CMTM7: variants seen among roughly 807,000 people sequenced by gnomAD.
CMTM7 encodes CKLF-like MARVEL transmembrane domain-containing protein 7.
A neutral mutation model predicts 19.3 loss-of-function variants in CMTM7; 7 were observed. The observed-to-expected ratio is 0.36, with a 90% CI of 0.21 to 0.68. CMTM7 has a LOEUF of 0.68. CMTM7 is among the 30% of genes least tolerant of loss of function. The pLI is 0.60. For missense variants in CMTM7, 193 were observed against 232.6 expected (o/e 0.83, Z 1.11); for synonymous variants, 87 against 99.3 (o/e 0.88, Z 0.74).
chr3:32,422,328 A>G (rs77061122), intron 1 of CMTM7, among the ~76,000 whole-genome samples: 5,008 of 152,292 alleles, frequency 0.033, 124 homozygotes, highest in Middle Eastern at 0.058. Context: ...GTGAAACTCA[A>G]CAGGCACTCA....
At chr3:32,436,195 G>C (rs1696594998) in intron 1 of CMTM7, among the ~76,000 whole-genome samples, 1 of 152,178 alleles carries the variant, frequency 6.6e-6, no homozygotes, top group Admixed American at 6.5e-5. Context: ...CTATGTGCTG[G>C]GGGGAATAGG....
intron 1 of CMTM7, among the ~76,000 whole-genome samples, chr3:32,412,656 T>C (rs1696195939): frequency 1.3e-5 from 2 of 151,856 alleles, no homozygotes; most frequent in Non-Finnish European, 2.9e-5. Flanking sequence ...CAAATATGAA[T>C]AGGGAAACAT....
intron 1 of CMTM7, among the ~76,000 whole-genome samples, chr3:32,423,392 T>C (rs560948167): frequency 2.0e-5 from 3 of 152,342 alleles, no homozygotes; most frequent in South Asian, 2.1e-4. Flanking sequence ...TCTTTTCAAA[T>C]GGAATCTTAC....
intron 2 of CMTM7, among the ~76,000 whole-genome samples, chr3:32,443,201 T>C (rs900083591): frequency 4.6e-5 from 7 of 151,998 alleles, no homozygotes; most frequent in Admixed American, 1.3e-4. Context: ...CAGGCTCAGG[T>C]GATCTTCCCA....
chr3:32,394,949 G>A (rs1245771186), intron 1 of CMTM7, among the ~76,000 whole-genome samples: 5 of 151,670 alleles, frequency 3.3e-5, no homozygotes, highest in African/African-American at 1.2e-4. Context: ...CCCCGCCTCT[G>A]CCTCCCAAAG....
In CMTM7 at chr3:32,415,253, A is replaced by G. The variant is rs533940842; in HGVS notation, c.159+23188A>G. Among the ~76,000 whole-genome samples the G allele has an allele frequency of 1.4e-4, 21 of 152,214 alleles. 1 individual carries two copies. The South Asian group carries it at 4.4e-3, about 32-fold the overall frequency. On this transcript the variant is annotated intron_variant, in intron 1 of 4. Transcript: ENST00000334983. The stretch of plus-strand genomic sequence containing the variant: ...GAGGGGCCCAGGGACCTGCATTTTA[A>G]CGCATCCCCTTGTGGATACACTCTC...
intron 1 of CMTM7, among the ~76,000 whole-genome samples, chr3:32,423,471 A>C (rs1232771258): frequency 6.6e-6 from 1 of 152,176 alleles, no homozygotes; most frequent in East Asian, 1.9e-4. Flanking sequence ...TGGAGGCAGA[A>C]GTTGTGTGTC....
chr3:32,408,976 G>A (rs1201852149), intron 1 of CMTM7, among the ~76,000 whole-genome samples: 2 of 151,734 alleles, frequency 1.3e-5, no homozygotes, highest in East Asian at 1.9e-4. Flanking sequence ...TCCACCTCCC[G>A]GGTTCAAGCG....
rs575951665 is a variant in CMTM7 at position 32,440,029 on chromosome 3, T to C, written c.160-1811T>C. On this transcript the variant is annotated intron_variant, in intron 1 of 4. Coordinates refer to ENST00000334983, the MANE Select transcript of CMTM7 (RefSeq NM_138410.4). Reference sequence around the variant, plus strand: ...ATGTCCCATAGGACACAAAATCATATACCCATACGCTAACACACCCATACA... The same window carrying C: ...ATGTCCCATAGGACACAAAATCATACACCCATACGCTAACACACCCATACA... 1.2e-3 allele frequency among the ~76,000 whole-genome samples: 189 copies of C among 151,824 alleles called. 1 individual carries two copies. The highest frequency in any genetic ancestry group is 4.1e-3 in the African/African-American group (171 of 41,348).
chr3:32,411,270 G>A (rs374785515), intron 1 of CMTM7, among the ~76,000 whole-genome samples: 1 of 152,074 alleles, frequency 6.6e-6, no homozygotes, highest in Non-Finnish European at 1.5e-5. Context: ...CTCTCTTATC[G>A]TTCAGGATTT....
intron 2 of CMTM7, among the ~76,000 whole-genome samples, chr3:32,445,973 TC>T (rs1696748235): frequency 6.6e-6 from 1 of 152,182 alleles, no homozygotes; most frequent in South Asian, 2.1e-4. Flanking sequence ...GGTCTGTAGT[TC>T]TCTTTTTTTC....
intron 1 of CMTM7, among the ~76,000 whole-genome samples, chr3:32,416,361 ATTTTTTTTTTTTTTT>A (rs58085712): frequency 0.012 from 897 of 72,402 alleles, 14 homozygotes; most frequent in Non-Finnish European, 0.015. Flanking sequence ...ATCCGGGCTA[ATTTTTTTTTTTTTTT>A]TTTTTTTTTT....
chr3:32,438,715 G>A (rs1696634455), intron 1 of CMTM7, among the ~76,000 whole-genome samples: 1 of 152,212 alleles, frequency 6.6e-6, no homozygotes, highest in African/African-American at 2.4e-5. Flanking sequence ...AAGTTTCCCA[G>A]AAAGGTTCGA....
intron 1 of CMTM7, among the ~76,000 whole-genome samples, chr3:32,424,658 G>C (rs1203102274): frequency 1.3e-5 from 2 of 149,352 alleles, no homozygotes; most frequent in African/African-American, 4.9e-5. Context: ...TTTTGCGGCT[G>C]GGGGGATACA....
chr3:32,443,655 A>G (rs1696712927), intron 2 of CMTM7, among the ~76,000 whole-genome samples: 1 of 152,232 alleles, frequency 6.6e-6, no homozygotes, highest in Non-Finnish European at 1.5e-5. Flanking sequence ...CTGTATGCCA[A>G]AGTGGCTCAC....
Position 32,391,975 on chromosome 3 carries a change from C to T in CMTM7, c.69C>T (p.Gly23=), listed in dbSNP as rs1227336736. The T allele has an allele frequency of 4.9e-6, 6 of 1,232,018 alleles. No homozygotes were observed. Among genetic ancestry groups the T allele is most frequent in the Non-Finnish European group, 6.1e-6 (6 of 986,562 alleles). The allele number at this position is 1,232,018 out of a possible 1,614,324, so 76.3% of individuals were successfully genotyped here. Residue 23 remains glycine, a synonymous_variant, in exon 1 of 5, where the codon GGC becomes GGT. Coordinates refer to ENST00000334983, the MANE Select transcript of CMTM7 (RefSeq NM_138410.4). ...GCAGCGCGCTCGGACCCGGGGCCGG[C>T]GCGGCCCAGCCCAGCGCGAGCCCCT... is the stretch of plus-strand genomic sequence containing the variant. ...SSGSALGPGA[G]AAQPSASPLE...
chr3:32,450,131 A>G (rs1186748296), intron 3 of CMTM7, among the ~76,000 whole-genome samples: 1 of 152,224 alleles, frequency 6.6e-6, no homozygotes, highest in African/African-American at 2.4e-5. Context: ...ATACATACAG[A>G]TGTATATGCT....
At chr3:32,420,369 A>C (rs567926681) in intron 1 of CMTM7, among the ~76,000 whole-genome samples, 1 of 152,312 alleles carries the variant, frequency 6.6e-6, no homozygotes, top group African/African-American at 2.4e-5. Context: ...GGTGAGGGGA[A>C]ATGTAGGGAG....
chr3:32,412,531 A>T (rs1468122765), intron 1 of CMTM7, among the ~76,000 whole-genome samples: 4 of 85,144 alleles, frequency 4.7e-5, no homozygotes, highest in Non-Finnish European at 1.0e-4. Context: ...ACACACACAC[A>T]CACACACACT....
Sources: allele counts gnomAD v4.1 joint callset (sites outside exome capture counted in the v4.1 genomes callset), GRCh38; gene constraint gnomAD v4.1.1; transcripts MANE v1.5; gene names NCBI Gene and HGNC (gene_info 2026-07-23, HGNC 2026-07-21).